STK38L: variants seen among roughly 807,000 people sequenced by gnomAD.
STK38L encodes serine/threonine-protein kinase 38-like.
In STK38L, 28 loss-of-function variants were observed where a neutral mutation model predicts 59.7. The observed-to-expected ratio is 0.47, with a 90% CI of 0.35 to 0.64. The LOEUF is 0.64. Among genes scored for constraint, STK38L ranks in the 30% least tolerant of loss-of-function variants. STK38L has a pLI of 0.01. For missense variants in STK38L, 314 were observed against 555.8 expected (o/e 0.56, Z 4.37); for synonymous variants, 162 against 176.8 (o/e 0.92, Z 0.66).
chr12:27,279,287 A>G (rs1258709396), intron 1 of STK38L, among the ~76,000 whole-genome samples: 1 of 152,266 alleles, frequency 6.6e-6, no homozygotes, highest in Non-Finnish European at 1.5e-5. Context: ...CTGTGAAAAT[A>G]AAATAGTTGG....
chr12:27,318,681 A>G (rs779661191), intron 11 of STK38L, among the ~76,000 whole-genome samples: 4 of 152,158 alleles, frequency 2.6e-5, no homozygotes, highest in Non-Finnish European at 5.9e-5. Context: ...TAATACCTCT[A>G]TATGTAAATT....
In STK38L at chr12:27,308,106, A is replaced by ATATG. The variant is rs1944359642; in HGVS notation, c.187-230_187-229insGTAT. ...AAGAATAAGTTATACATATATATATATATAGACAAATATGATGGACTGAAT... is the reference window on the plus strand; with the variant it reads ...AAGAATAAGTTATACATATATATATATATGTATAGACAAATATGATGGACTGAAT... On this transcript the variant is annotated intron_variant, in intron 3 of 13. Transcript: ENST00000389032. This position sits in a 1 kb window ranked among gnomAD's most constrained non-coding sequence, Gnocchi z 4.5. 6.6e-6 allele frequency among the ~76,000 whole-genome samples: 1 copy of ATATG among 151,630 alleles called. No homozygotes were observed. The highest frequency in any genetic ancestry group is 1.5e-5 in the Non-Finnish European group (1 of 67,924).
chr12:27,248,571 T>C (rs1266056506), intron 1 of STK38L, among the ~76,000 whole-genome samples: 1 of 152,238 alleles, frequency 6.6e-6, no homozygotes, highest in African/African-American at 2.4e-5. Context: ...TGCCTTTTCC[T>C]AACTGTCCAG....
At chr12:27,320,876 G>C (rs939747746) in intron 12 of STK38L, among the ~76,000 whole-genome samples, 1 of 151,546 alleles carries the variant, frequency 6.6e-6, no homozygotes, top group African/African-American at 2.4e-5. Flanking sequence ...CCACCTCCCG[G>C]GTTCACGCCA....
chr12:27,301,540 G>A (rs1227157350), intron 2 of STK38L, among the ~76,000 whole-genome samples: 4 of 152,166 alleles, frequency 2.6e-5, no homozygotes, highest in Admixed American at 6.5e-5. Flanking sequence ...GATTACAGGC[G>A]TGAGCCACCG....
chr12:27,283,055 A>G (rs1943694977), intron 1 of STK38L, among the ~76,000 whole-genome samples: 2 of 152,246 alleles, frequency 1.3e-5, no homozygotes, highest in Non-Finnish European at 2.9e-5. Flanking sequence ...CACAGTGTCT[A>G]GCACAAAATA....
At chr12:27,268,887 C>T (rs370055080) in intron 1 of STK38L, among the ~76,000 whole-genome samples, 2 of 152,104 alleles carry the variant, frequency 1.3e-5, no homozygotes, top group African/African-American at 2.4e-5. Context: ...GAGCATTTTT[C>T]CATGTGTCTT....
chr12:27,282,193 G>A (rs774895042), intron 1 of STK38L, among the ~76,000 whole-genome samples: 17 of 152,274 alleles, frequency 1.1e-4, no homozygotes, highest in Admixed American at 5.9e-4. Context: ...TTCGAGTCAG[G>A]TGACAGTAGT....
intron 1 of STK38L, among the ~76,000 whole-genome samples, chr12:27,265,777 A>G (rs1237662290): frequency 6.6e-6 from 1 of 152,206 alleles, no homozygotes; most frequent in Non-Finnish European, 1.5e-5. Context: ...TCACAGTTAT[A>G]TTTGTCATTC....
At chr12:27,283,363 TATCA>T (rs1404245758) in intron 1 of STK38L, among the ~76,000 whole-genome samples, 4 of 152,360 alleles carry the variant, frequency 2.6e-5, no homozygotes, top group South Asian at 2.1e-4. Flanking sequence ...CTTTAACACA[TATCA>T]ATCAGTCACT....
At chr12:27,288,556 A>G (rs1272682479) in intron 1 of STK38L, among the ~76,000 whole-genome samples, 2 of 152,008 alleles carry the variant, frequency 1.3e-5, no homozygotes, top group African/African-American at 4.8e-5. Flanking sequence ...TTGGCCCCAA[A>G]TTCTCTAGAT....
intron 1 of STK38L, among the ~76,000 whole-genome samples, chr12:27,279,078 C>T (rs1025326079): frequency 1.3e-5 from 2 of 152,128 alleles, no homozygotes; most frequent in African/African-American, 4.8e-5. Context: ...GATATAAGAC[C>T]ATCGAGGAGG....
intron 1 of STK38L, among the ~76,000 whole-genome samples, chr12:27,272,555 A>G (rs76280375): frequency 0.014 from 2,175 of 152,330 alleles, 22 homozygotes; most frequent in Non-Finnish European, 0.023. Flanking sequence ...ATTGAATTCC[A>G]TATTTGTCTT....
intron 1 of STK38L, among the ~76,000 whole-genome samples, chr12:27,276,533 T>C (rs1056373672): frequency 6.6e-6 from 1 of 152,076 alleles, no homozygotes; most frequent in African/African-American, 2.4e-5. Context: ...GTTATTTAAA[T>C]TGTGCAAGGT....
In STK38L at chr12:27,308,344, G is replaced by T; in HGVS notation, c.192G>T (p.Lys64Asn). Residue 64 changes from lysine to asparagine, a missense_variant, in exon 4 of 14, where the codon AAG (lysine) becomes AAT (asparagine). By Grantham distance (94) the Lys-to-Asn change is moderately conservative. Coordinates refer to ENST00000389032, the MANE Select transcript of STK38L (RefSeq NM_015000.4). This position sits in a 1 kb window ranked among gnomAD's most constrained non-coding sequence, Gnocchi z 4.5. ...AAATTGTTTTTTTTTAATAGAAAAA[G>T]TTACGTCGATCACAACACGCTCGCA... is the stretch of plus-strand genomic sequence containing the variant. The part of the protein sequence containing the change: ...EEEGLADEEK[K>N]LRRSQHARKE... 6.5e-7 allele frequency: 1 copy of T among 1,549,144 alleles called. No homozygotes were observed. Among genetic ancestry groups the T allele is most frequent in the South Asian group, 1.2e-5 (1 of 81,552 alleles).
Position 27,312,437 on chromosome 12 carries a change from T to C in STK38L, c.394-112T>C, listed in dbSNP as rs1291113792. The C allele has an allele frequency of 3.7e-5, 44 of 1,186,852 alleles. No individual in the cohort carries two copies. In the East Asian group the frequency reaches 1.1e-3, roughly 29 times the overall value. 73.5% of individuals were successfully genotyped at this position (1,186,852 alleles called of 1,614,324 possible). A position where few individuals can be genotyped will look rare whatever the true frequency, so the allele number is the denominator to read the frequency against. ...ACATTCATACATGTATCAAATCTTC[T>C]GAAACTCCATCTTTCCTTCATTAAC... On this transcript the variant is annotated intron_variant, in intron 5 of 13. Coordinates refer to ENST00000389032, the MANE Select transcript of STK38L (RefSeq NM_015000.4).
intron 1 of STK38L, among the ~76,000 whole-genome samples, chr12:27,255,888 T>C (rs1477673301): frequency 1.3e-5 from 2 of 152,230 alleles, no homozygotes; most frequent in African/African-American, 4.8e-5. Context: ...GTGTGTTCCA[T>C]GGATAACTTG....
chr12:27,285,131 G>A (rs1359839598), intron 1 of STK38L, among the ~76,000 whole-genome samples: 2 of 152,040 alleles, frequency 1.3e-5, no homozygotes, highest in Non-Finnish European at 2.9e-5. Context: ...TCTAATTTTT[G>A]TACCCCCAAA....
At position 27,323,249 on chromosome 12, in the gene STK38L, ACTT is replaced by A. The variant is rs968905859; in HGVS notation, c.*798_*800del. 10 of 152,170 alleles carry A rather than the reference ACTT, an allele frequency of 6.6e-5. No homozygotes were observed. The highest frequency in any genetic ancestry group is 1.0e-4 in the Non-Finnish European group (7 of 68,010). The allele number at this position is 152,170 out of a possible 1,614,324, so 9.4% of individuals were successfully genotyped here. ...AAGTTGATTTTCTTGTGACAAGAGA[ACTT>A]CTTTTTTTAACAAGAGGACATGGCA... On this transcript the variant is annotated 3_prime_UTR_variant, in exon 14 of 14. Coordinates refer to ENST00000389032, the MANE Select transcript of STK38L (RefSeq NM_015000.4).
Sources: allele counts gnomAD v4.1 joint callset (sites outside exome capture counted in the v4.1 genomes callset), GRCh38; gene constraint gnomAD v4.1.1; non-coding constraint Gnocchi (gnomAD v3.1); transcripts MANE v1.5; gene names NCBI Gene and HGNC (gene_info 2026-07-23, HGNC 2026-07-21).